The following PSG8 variants were observed in gnomAD, a reference collection of about 807,000 sequenced individuals.
PSG8 encodes pregnancy-specific beta-1-glycoprotein 8.
PSG8 carries 57 observed loss-of-function variants against 42.5 expected under a neutral mutation model. The ratio of observed to expected loss-of-function variants is 1.34; its 90% confidence interval spans 1.08 to 1.67. The LOEUF is 1.67. Ranked by LOEUF, PSG8 falls within the 40% of genes most tolerant of loss-of-function variation. The pLI is 0.00. For missense variants in PSG8, 783 were observed against 518.6 expected (o/e 1.51, Z -4.95); for synonymous variants, 280 against 196.8 (o/e 1.42, Z -3.54).
chr19:42,765,416 T>C lies in PSG8; in HGVS notation c.64+102A>G, dbSNP rs552784360. 32 of 1,545,196 alleles carry C rather than the reference T, an allele frequency of 2.1e-5. No homozygotes were observed. In the South Asian group the frequency reaches 3.6e-4, roughly 17 times the overall value. ...ATCCACCTGCCTCAGCCTCCCAAAG[T>C]GCTGGCTTCTTTCATTTTTTAGTAC... On this transcript the variant is annotated intron_variant, in intron 1 of 4. Transcript: ENST00000306511.
At position 42,764,152 on chromosome 19, in the gene PSG8, T is replaced by C; in HGVS notation, c.194A>G (p.Tyr65Cys). ...VHNLPQNLTG[Y>C]IWYKGQIRDL... ...CCTGATTTGCCCTTTGTACCAGATG[T>C]AGCCAGTAAGATTCTGGGGCAAATT... The change falls in exon 2 of 5, where the codon TAC becomes TGC. Residue 65 changes from tyrosine to cysteine, a missense_variant. By Grantham distance (194) the Tyr-to-Cys change is radical. Coordinates refer to ENST00000306511, the MANE Select transcript of PSG8 (RefSeq NM_182707.3). The C allele has an allele frequency of 6.2e-7, 1 of 1,613,926 alleles. No individual in the cohort carries two copies. Among genetic ancestry groups the C allele is most frequent in the Non-Finnish European group, 8.5e-7 (1 of 1,179,910 alleles).
In PSG8 at chr19:42,755,185, G is replaced by T. The variant is rs751037122; in HGVS notation, c.791C>A (p.Pro264His). The T allele has an allele frequency of 1.2e-6, 2 of 1,611,898 alleles. No individual in the cohort carries two copies. The highest frequency in any genetic ancestry group is 2.2e-5 in the South Asian group (2 of 90,972). Residue 264 changes from proline to histidine, a missense_variant, in exon 4 of 5, where the codon CCT (proline) becomes CAT (histidine). Transcript: ENST00000306511. ...NKDVLNFTCEPKSENYTYIWW... is the reference protein window; with the variant it reads ...NKDVLNFTCEHKSENYTYIWW... ...AATGTAGGTGTAGTTCTCACTCTTA[G>T]GTTCACAGGTGAAGTTTAAGACATC...
chr19:42,755,049 T>G lies in PSG8; in HGVS notation c.927A>C (p.Gln309His). Reference protein sequence around the residue: ...SVTRNETGPYQCEIRDQYGGI... With the variant: ...SVTRNETGPYHCEIRDQYGGI... Reference sequence around the variant, plus strand: ...CACCATATTGGTCCCTTATTTCACATTGATAGGGTCCTGTTTCATTTCTCG... The same window carrying G: ...CACCATATTGGTCCCTTATTTCACAGTGATAGGGTCCTGTTTCATTTCTCG... Residue 309 changes from glutamine to histidine, a missense_variant, in exon 4 of 5, where the codon CAA becomes CAC. Physicochemically the swap from Gln to His is conservative, Grantham distance 24 (BLOSUM62 0). Coordinates refer to ENST00000306511, the MANE Select transcript of PSG8 (RefSeq NM_182707.3). 6.2e-7 allele frequency: 1 copy of G among 1,612,882 alleles called. No homozygotes were observed. The highest frequency in any genetic ancestry group is 8.5e-7 in the Non-Finnish European group (1 of 1,179,712).
At chr19:42,756,975 A>AT (rs1232204224) in intron 3 of PSG8, among the ~76,000 whole-genome samples, 1 of 152,002 alleles carries the variant, frequency 6.6e-6, no homozygotes, top group African/African-American at 2.4e-5. Context: ...TGAAAATGAA[A>AT]TGTGTTTCCA....
At chr19:42,756,298 G>T (rs535827701) in intron 3 of PSG8, among the ~76,000 whole-genome samples, 6 of 152,300 alleles carry the variant, frequency 3.9e-5, no homozygotes, top group South Asian at 2.1e-4. Context: ...ACTGCTGGTT[G>T]CCAGGAGCTG....
At chr19:42,761,799 C>A in intron 2 of PSG8, among the ~76,000 whole-genome samples, 1 of 139,774 alleles carries the variant, frequency 7.2e-6, no homozygotes, top group East Asian at 2.2e-4. Context: ...TCTTTCTTGA[C>A]TAGAAACCAA....
Position 42,759,217 on chromosome 19 carries a change from T to G in PSG8, c.431-937A>C, listed in dbSNP as rs536870020. ...GAAGCCTTGCAGATACTTTCTCTCA[T>G]TAGACATTCTACTCTCTGATTCTGA... On this transcript the variant is annotated intron_variant, in intron 2 of 4. Transcript: ENST00000306511. Among the ~76,000 whole-genome samples, 44 of 152,260 alleles carry G rather than the reference T, an allele frequency of 2.9e-4. No homozygotes were observed. The East Asian group carries it at 6.4e-3, about 22-fold the overall frequency.
intron 2 of PSG8, chr19:42,758,538 C>G (rs770442442): frequency 2.7e-6 from 2 of 749,214 alleles, no homozygotes; most frequent in Non-Finnish European, 2.0e-6. Context: ...AGACACAGGA[C>G]CAGCAGTCAC....
At chr19:42,763,803 G>T in intron 2 of PSG8, 113 bp downstream of exon 2, 1 of 1,573,106 alleles carries the variant, frequency 6.4e-7, no homozygotes, top group South Asian at 1.1e-5. Context: ...ACCCCAGCAT[G>T]GGACATAATG....
chr19:42,755,773 A>G (rs1969909823), intron 3 of PSG8: 1 of 168,168 alleles, frequency 5.9e-6, no homozygotes, highest in African/African-American at 2.4e-5. Flanking sequence ...CTGGGACTGG[A>G]TGTTTCAGCA....
intron 2 of PSG8, among the ~76,000 whole-genome samples, chr19:42,760,167 T>A (rs988227975): frequency 2.0e-5 from 3 of 152,170 alleles, no homozygotes; most frequent in African/African-American, 4.8e-5. Context: ...TTTGTGTGAA[T>A]TAGGAAGAGT....
intron 2 of PSG8, among the ~76,000 whole-genome samples, chr19:42,762,807 T>A (rs1970111579): frequency 6.6e-6 from 1 of 152,074 alleles, no homozygotes; most frequent in Admixed American, 6.5e-5. Flanking sequence ...TTTCTCTCAC[T>A]CCTCTGAGGT....
At chr19:42,763,805 G>C in intron 2 of PSG8, 111 bp downstream of exon 2, 3 of 1,577,422 alleles carry the variant, frequency 1.9e-6, no homozygotes, top group Non-Finnish European at 2.6e-6. Flanking sequence ...CCCAGCATGG[G>C]ACATAATGCA....
intron 4 of PSG8, 24 bp from the exon 5 acceptor site, chr19:42,754,611 C>A (rs936041697): frequency 9.4e-6 from 15 of 1,600,448 alleles, no homozygotes; most frequent in Non-Finnish European, 1.3e-5. Context: ...AATAAAGCCA[C>A]AGGTGATGTC....
chr19:42,760,383 A>C (rs970762706), intron 2 of PSG8, among the ~76,000 whole-genome samples: 7 of 152,198 alleles, frequency 4.6e-5, no homozygotes, highest in Non-Finnish European at 1.0e-4. Context: ...TCCCACAGCT[A>C]CAAAATTTAA....
At chr19:42,759,894 C>T (rs1377818281) in intron 2 of PSG8, among the ~76,000 whole-genome samples, 1 of 152,072 alleles carries the variant, frequency 6.6e-6, no homozygotes, top group Admixed American at 6.5e-5. Context: ...AAGAAAGATG[C>T]CAATGGTGAT....
rs200836577 is a variant in PSG8, at chr19:42,764,414, G to GCA, written c.65-135_65-134dup. ...CAGACACACACACATACAAACACAC[G>GCA]CACACACACACACAAAAGCGGCATG... On this transcript the variant is annotated intron_variant, in intron 1 of 4. Transcript: ENST00000306511. The GCA allele has an allele frequency of 2.9e-4, 396 of 1,361,020 alleles. 1 individual carries two copies. The highest frequency in any genetic ancestry group is 7.7e-4 in the Middle Eastern group (3 of 3,878). The allele number at this position is 1,361,020 out of a possible 1,614,324, so 84.3% of individuals were successfully genotyped here.
chr19:42,758,107 G>C lies in PSG8; in HGVS notation c.604C>G (p.Leu202Val). 1.2e-6 allele frequency: 2 copies of C among 1,614,016 alleles called. No individual in the cohort carries two copies. The highest frequency in any genetic ancestry group is 1.7e-6 in the Non-Finnish European group (2 of 1,179,960). ...RLQLSETNRT[L>V]FLLGVTKYTA... ...TACTTTGTGACACCCAATAGAAAGA[G>C]GGTCCTGTTGGTTTCAGACAACTGC... Residue 202 changes from leucine to valine, a missense_variant, in exon 3 of 5, where the codon CTC (leucine) becomes GTC (valine). Leu to Val is a conservative substitution (Grantham distance 32). Transcript: ENST00000306511.
intron 3 of PSG8, among the ~76,000 whole-genome samples, chr19:42,756,305 G>T (rs1397755087): frequency 4.6e-5 from 7 of 152,208 alleles, no homozygotes; most frequent in Admixed American, 3.3e-4. Flanking sequence ...GTTGCCAGGA[G>T]CTGGGAGTGG....
Sources: gnomAD v4.1 joint callset for allele counts (sites outside exome capture counted in the v4.1 genomes callset) on GRCh38, gnomAD v4.1.1 for gene constraint, MANE v1.5 for transcripts, NCBI Gene and HGNC (gene_info 2026-07-23, HGNC 2026-07-21) for gene names.